The following SECISBP2L variants were observed in gnomAD, a reference collection of about 807,000 sequenced individuals.
SECISBP2L encodes SECIS binding protein 2 like, also known as selenocysteine insertion sequence-binding protein 2-like.
In SECISBP2L, 43 loss-of-function variants were observed where a neutral mutation model predicts 114.7. The ratio of observed to expected loss-of-function variants is 0.38; its 90% CI spans 0.29 to 0.48. SECISBP2L has a LOEUF of 0.48. Among genes scored for constraint, SECISBP2L ranks in the 20% least tolerant of loss-of-function variants. The probability of loss-of-function intolerance (pLI) is 0.98; values close to 1 mark genes in which losing one functional copy is unlikely to be tolerated. For missense variants in SECISBP2L, 1,136 were observed against 1,301.1 expected, an observed-to-expected ratio of 0.87 and a Z score of 1.95; for synonymous variants, 451 against 439.7, an observed-to-expected ratio of 1.03 and a Z score of -0.32.
At chr15:49,030,349 AC>A (rs1360425145) in intron 4 of SECISBP2L, among the ~76,000 whole-genome samples, 1 of 152,006 alleles carries the variant, frequency 6.6e-6, no homozygotes, top group Non-Finnish European at 1.5e-5. Flanking sequence ...TTAATCAAAT[AC>A]CCCCTCTCTT....
At chr15:49,019,642 G>A (rs766175769) in intron 7 of SECISBP2L, 90 bp from the exon 8 acceptor site, 26 of 1,055,812 alleles carry the variant, frequency 2.5e-5, no homozygotes, top group Non-Finnish European at 3.1e-5. Context: ...AAAAGTACAC[G>A]CAAGTGTACA....
intron 1 of SECISBP2L, among the ~76,000 whole-genome samples, chr15:49,039,196 C>G (rs1903070333): frequency 6.6e-6 from 1 of 152,068 alleles, no homozygotes; most frequent in Non-Finnish European, 1.5e-5. Context: ...AGTAGATATA[C>G]TATAATAATA....
rs1419393729 is a variant in SECISBP2L, at chr15:49,017,563, T to C, written c.1236A>G (p.Lys412=). 1.2e-6 allele frequency: 2 copies of C among 1,603,054 alleles called. No homozygotes were observed. The highest frequency in any genetic ancestry group is 1.7e-5 in the Admixed American group (1 of 58,768). The change falls in exon 9 of 18, where the codon AAA becomes AAG. Residue 412 remains lysine (K), a synonymous_variant. Transcript: ENST00000559471. The part of the protein sequence containing the change: ...GNAKDENIQQ[K]LSSKVLDDLP... ...AGTTACTTACTACTTTAGAAGAAAG[T>C]TTTTGTTGAATATTCTCATCCTTAG...
intron 5 of SECISBP2L, 44 bp from the exon 6 acceptor site, chr15:49,028,212 C>G (rs1442884511): frequency 2.0e-6 from 3 of 1,502,630 alleles, no homozygotes; most frequent in Non-Finnish European, 1.8e-6. Context: ...ACTTGAGAAC[C>G]AACATTATGT....
intron 8 of SECISBP2L, 114 bp from the exon 9 acceptor site, chr15:49,017,742 T>C (rs1902565405): frequency 1.5e-6 from 1 of 664,914 alleles, no homozygotes. Context: ...TATTACTGAA[T>C]TATTCAAAGT....
chr15:49,034,757 T>G (rs1028925241), intron 3 of SECISBP2L, among the ~76,000 whole-genome samples: 3 of 151,072 alleles, frequency 2.0e-5, no homozygotes, highest in Non-Finnish European at 4.4e-5. Flanking sequence ...CTTGACCTCC[T>G]GGGCTCAAGC....
At chr15:49,017,491 C>T in intron 9 of SECISBP2L, 57 bp downstream of exon 9, 1 of 1,105,576 alleles carries the variant, frequency 9.0e-7, no homozygotes, top group East Asian at 2.4e-5. Context: ...TTCCCTTCAA[C>T]ATAGCCATTG....
At chr15:49,007,187 C>T (rs546995473) in intron 14 of SECISBP2L, among the ~76,000 whole-genome samples, 26 of 152,172 alleles carry the variant, frequency 1.7e-4, no homozygotes, top group Non-Finnish European at 3.7e-4. Flanking sequence ...CAGAGGGGTA[C>T]CCACCAAATG....
At chr15:49,003,756 T>C (rs1902258621) in intron 14 of SECISBP2L, among the ~76,000 whole-genome samples, 1 of 152,362 alleles carries the variant, frequency 6.6e-6, no homozygotes, top group African/African-American at 2.4e-5. Flanking sequence ...GATTGCCATA[T>C]GGTAAACCAG....
At chr15:49,016,198 A>G (rs1902532497) in intron 11 of SECISBP2L, among the ~76,000 whole-genome samples, 1 of 152,204 alleles carries the variant, frequency 6.6e-6, no homozygotes, top group Non-Finnish European at 1.5e-5. Context: ...TAACGCAGAC[A>G]AGGGGTTGTG....
At chr15:48,995,837 G>A (rs1902073944) in intron 17 of SECISBP2L, 1 of 153,608 alleles carries the variant, frequency 6.5e-6, no homozygotes, top group South Asian at 2.0e-4. Context: ...TAAGCCTAGA[G>A]TGAATATTAT....
At chr15:49,034,475 T>C (rs1260043732) in intron 3 of SECISBP2L, among the ~76,000 whole-genome samples, 3 of 151,974 alleles carry the variant, frequency 2.0e-5, no homozygotes, top group African/African-American at 4.8e-5. Flanking sequence ...GTTTCACATA[T>C]TTATCTTCCA....
chr15:49,044,526 T>C (rs1455572300), intron 1 of SECISBP2L, among the ~76,000 whole-genome samples: 1 of 152,196 alleles, frequency 6.6e-6, no homozygotes, highest in Non-Finnish European at 1.5e-5. Context: ...CTTTTCTATA[T>C]ATATTTTCTG....
chr15:49,027,727 G>C (rs1902776167), intron 6 of SECISBP2L, among the ~76,000 whole-genome samples: 1 of 151,178 alleles, frequency 6.6e-6, no homozygotes, highest in Non-Finnish European at 1.5e-5. Context: ...TCCTTCCTCA[G>C]CCTCCCAAGT....
In SECISBP2L at chr15:49,004,822, G is replaced by T. The variant is rs1902284057; in HGVS notation, c.2028-3725C>A. Among the ~76,000 whole-genome samples, 4 of 152,214 alleles carry T rather than the reference G, an allele frequency of 2.6e-5. 1 individual carries two copies. Among genetic ancestry groups the T allele is most frequent in the African/African-American group, 9.6e-5 (4 of 41,540 alleles). On this transcript the variant is annotated intron_variant, in intron 14 of 17. Coordinates refer to ENST00000559471, the MANE Select transcript of SECISBP2L (RefSeq NM_001193489.2). ...TGTTTGTTACAATTTCCATTCTTCT[G>T]CATTTGCTGAGGAGTGTTTTACATC...
At position 49,028,651 on chromosome 15, in the gene SECISBP2L, G is replaced by C; in HGVS notation, c.696C>G (p.Leu232=). 6.2e-7 allele frequency: 1 copy of C among 1,614,132 alleles called. No individual in the cohort carries two copies. Among genetic ancestry groups the C allele is most frequent in the Non-Finnish European group, 8.5e-7 (1 of 1,180,000 alleles). ...AGAGCATTGTTGCAGTGGTCTCTGA[G>C]AGAGACTTGTTAGCGATATCTGATG... ...DFPSDIANKS[L]SETTATMLWK... is the part of the protein sequence containing the mutation. Residue 232 remains leucine, a synonymous_variant, in exon 5 of 18, where the codon CTC becomes CTG. Coordinates refer to ENST00000559471, the MANE Select transcript of SECISBP2L (RefSeq NM_001193489.2).
In SECISBP2L at chr15:48,988,696, G is replaced by A; in HGVS notation, c.*3548C>T. On this transcript the variant is annotated 3_prime_UTR_variant, in exon 18 of 18. Coordinates refer to ENST00000559471, the MANE Select transcript of SECISBP2L (RefSeq NM_001193489.2). The stretch of plus-strand genomic sequence containing the variant: ...GAATCCCCACTAGTATTTACATAGT[G>A]CAAAAAAGCTGTTATTACCCCCCAA... The A allele has an allele frequency of 4.7e-6, 2 of 428,616 alleles. No individual in the cohort carries two copies. Among genetic ancestry groups the A allele is most frequent in the East Asian group, 7.1e-5 (1 of 14,038 alleles). The allele number at this position is 428,616 out of a possible 1,614,324, so 26.6% of individuals were successfully genotyped here.
intron 14 of SECISBP2L, among the ~76,000 whole-genome samples, chr15:49,005,560 C>CT (rs752466722): frequency 0.029 from 1,065 of 36,664 alleles, 152 homozygotes; most frequent in African/African-American, 0.054. Context: ...GCAACCCCTG[C>CT]TTTTTTTTTT....
At chr15:49,043,727 T>G (rs1903187731) in intron 1 of SECISBP2L, among the ~76,000 whole-genome samples, 1 of 151,912 alleles carries the variant, frequency 6.6e-6, no homozygotes, top group Non-Finnish European at 1.5e-5. Flanking sequence ...CAGAGAATAC[T>G]CTATAAAAAG....
Sources: allele counts gnomAD v4.1 joint callset (sites outside exome capture counted in the v4.1 genomes callset), GRCh38; gene constraint gnomAD v4.1.1; transcripts MANE v1.5; gene names NCBI Gene and HGNC (gene_info 2026-07-23, HGNC 2026-07-21).